ABCB1: variants seen among roughly 807,000 people sequenced by gnomAD.
ABCB1 encodes the protein ATP binding cassette subfamily B member 1.
A neutral mutation model predicts 142.0 loss-of-function variants in ABCB1; 69 were observed. The ratio of observed to expected loss-of-function variants is 0.49; its 90% CI spans 0.40 to 0.59. The LOEUF (loss-of-function observed/expected upper bound fraction) is 0.59. Ranked by LOEUF, ABCB1 falls within the 20% of genes least tolerant of loss-of-function variation. ABCB1 has a pLI of 0.00. For missense variants in ABCB1, 1,326 were observed against 1,554.7 expected, an observed-to-expected ratio of 0.85 and a Z score of 2.47; for synonymous variants, 532 against 539.2, an observed-to-expected ratio of 0.99 and a Z score of 0.18.
At chr7:87,630,752 GA>G (rs1339523968) in intron 1 of ABCB1, among the ~76,000 whole-genome samples, 2 of 149,748 alleles carry the variant, frequency 1.3e-5, no homozygotes, top group East Asian at 3.9e-4. Context: ...TTTATTGAAT[GA>G]ATAATTTCAG....
chr7:87,640,177 C>CTT (rs1369041557), intron 1 of ABCB1, among the ~76,000 whole-genome samples: 3 of 148,578 alleles, frequency 2.0e-5, no homozygotes, highest in Non-Finnish European at 4.5e-5. Context: ...CTAAAACATA[C>CTT]TTATATATAT....
At chr7:87,636,291 A>G (rs972045606) in intron 1 of ABCB1, among the ~76,000 whole-genome samples, 2 of 152,150 alleles carry the variant, frequency 1.3e-5, no homozygotes, top group Non-Finnish European at 2.9e-5. Flanking sequence ...GGGGTGTCAC[A>G]TGGTGGTTTT....
intron 1 of ABCB1, among the ~76,000 whole-genome samples, chr7:87,631,892 T>C (rs1202932703): frequency 6.6e-6 from 1 of 152,210 alleles, no homozygotes; most frequent in Non-Finnish European, 1.5e-5. Flanking sequence ...TAACCTTCAA[T>C]TATAGGCTTA....
At chr7:87,709,946 A>G (rs865946646) in intron 1 of ABCB1, among the ~76,000 whole-genome samples, 1 of 152,186 alleles carries the variant, frequency 6.6e-6, no homozygotes, top group African/African-American at 2.4e-5. Context: ...ATTCTGTGCT[A>G]GAATATGCTG....
intron 1 of ABCB1, among the ~76,000 whole-genome samples, chr7:87,695,947 G>T (rs1828457869): frequency 6.6e-6 from 1 of 152,050 alleles, no homozygotes; most frequent in African/African-American, 2.4e-5. Flanking sequence ...TAAAGATGAG[G>T]CAATTTAGTT....
intron 8 of ABCB1, among the ~76,000 whole-genome samples, chr7:87,554,735 G>A (rs1296038027): frequency 6.6e-6 from 1 of 152,140 alleles, no homozygotes; most frequent in Admixed American, 6.5e-5. Flanking sequence ...ATCTGACCTG[G>A]TGGCTTGGGC....
chr7:87,616,164 G>C (rs2130075516), intron 1 of ABCB1, among the ~76,000 whole-genome samples: 1 of 152,042 alleles, frequency 6.6e-6, no homozygotes, highest in East Asian at 1.9e-4. Flanking sequence ...TATCCAAAAT[G>C]GTATTGTCTA....
intron 1 of ABCB1, among the ~76,000 whole-genome samples, chr7:87,621,948 T>C (rs907985115): frequency 6.6e-6 from 1 of 152,088 alleles, no homozygotes; most frequent in Non-Finnish European, 1.5e-5. Flanking sequence ...ATTGGGACAG[T>C]GGTTAATCAT....
chr7:87,631,453 C>A (rs529907362), intron 1 of ABCB1, among the ~76,000 whole-genome samples: 1 of 152,128 alleles, frequency 6.6e-6, no homozygotes, highest in African/African-American at 2.4e-5. Flanking sequence ...AGCAGTGGCG[C>A]GATCTCGGCT....
intron 1 of ABCB1, among the ~76,000 whole-genome samples, chr7:87,678,452 T>C (rs1316758598): frequency 6.6e-6 from 1 of 152,090 alleles, no homozygotes; most frequent in Non-Finnish European, 1.5e-5. Context: ...GTAGTGACTA[T>C]AAAGATACTA....
chr7:87,555,931 C>A (rs1040220272), intron 8 of ABCB1, among the ~76,000 whole-genome samples: 2 of 152,098 alleles, frequency 1.3e-5, no homozygotes, highest in Non-Finnish European at 2.9e-5. Flanking sequence ...CCTATGCAGC[C>A]AGAGGAAACA....
At chr7:87,513,184 C>G (rs1471972936) in intron 25 of ABCB1, among the ~76,000 whole-genome samples, 1 of 152,166 alleles carries the variant, frequency 6.6e-6, no homozygotes, top group Non-Finnish European at 1.5e-5. Context: ...TCTGCAGCTT[C>G]TTGGTTACAG....
At chr7:87,545,683 T>G (rs888307931) in intron 15 of ABCB1, among the ~76,000 whole-genome samples, 180 bp downstream of exon 15, 1 of 152,244 alleles carries the variant, frequency 6.6e-6, no homozygotes, top group Non-Finnish European at 1.5e-5. Context: ...TTATCCTTCT[T>G]TATTTTCCCC....
At chr7:87,689,955 C>T (rs1214872090) in intron 1 of ABCB1, among the ~76,000 whole-genome samples, 1 of 151,926 alleles carries the variant, frequency 6.6e-6, no homozygotes, top group African/African-American at 2.4e-5. Context: ...TACTTTAAAT[C>T]TTTGAATGTT....
chr7:87,544,013 T>C (rs897887180), intron 17 of ABCB1, 116 bp downstream of exon 17: 5 of 1,260,182 alleles, frequency 4.0e-6, no homozygotes, highest in African/African-American at 3.0e-5. Context: ...ATTAGTTTCA[T>C]ATGGAGATAC....
chr7:87,541,209 T>A, intron 18 of ABCB1, 148 bp downstream of exon 18: 1 of 626,708 alleles, frequency 1.6e-6, no homozygotes, highest in Non-Finnish European at 2.8e-6. Context: ...AACATCTTTT[T>A]TCACTATGTC....
chr7:87,641,743 A>T (rs1340676719), intron 1 of ABCB1, among the ~76,000 whole-genome samples: 1 of 152,230 alleles, frequency 6.6e-6, no homozygotes, highest in East Asian at 1.9e-4. Flanking sequence ...AGTGGATATG[A>T]TGCCCACATT....
intron 1 of ABCB1, among the ~76,000 whole-genome samples, chr7:87,649,854 A>G (rs1000319656): frequency 6.6e-6 from 1 of 152,124 alleles, no homozygotes; most frequent in African/African-American, 2.4e-5. Flanking sequence ...AAGATTTGAT[A>G]GTTTTATAAA....
At chr7:87,633,895 G>A (rs1289776256) in intron 1 of ABCB1, among the ~76,000 whole-genome samples, 1 of 152,122 alleles carries the variant, frequency 6.6e-6, no homozygotes, top group Non-Finnish European at 1.5e-5. Context: ...AGGTGGGGTA[G>A]TTTATAAAGA....
Sources: allele counts gnomAD v4.1 joint callset (sites outside exome capture counted in the v4.1 genomes callset), GRCh38; gene constraint gnomAD v4.1.1; transcripts MANE v1.5; gene names NCBI Gene and HGNC (gene_info 2026-07-23, HGNC 2026-07-21).